Variants in ZNF587 observed in about 807,000 individuals in gnomAD.
ZNF587 encodes zinc finger protein 587, also known as zinc finger protein zfp6.
ZNF587 carries 8 observed loss-of-function variants against 7.5 expected under a neutral mutation model. The observed-to-expected ratio is 1.06, with a 90% CI of 0.62 to 1.92. The LOEUF is 1.92. ZNF587 is among the 40% of genes most tolerant of loss of function. The pLI, the probability that ZNF587 is intolerant of heterozygous loss-of-function variation, is 0.00. For synonymous variants in ZNF587, 145 were observed against 237.8 expected, an observed-to-expected ratio of 0.61 and a Z score of 3.59; for missense variants, 468 against 692.8, an observed-to-expected ratio of 0.68 and a Z score of 3.64.
In ZNF587 at chr19:57,850,864, C is replaced by G. The variant is rs979478602; in HGVS notation, c.33+793C>G. On this transcript the variant is annotated intron_variant, in intron 1 of 2. Transcript: ENST00000339656. ...GAGTCATTCCATAAGATGTAAAGCACTGGCCGTTTCTGTGAATTTCCTTGA... is the reference window on the plus strand; with the variant it reads ...GAGTCATTCCATAAGATGTAAAGCAGTGGCCGTTTCTGTGAATTTCCTTGA... The G allele has an allele frequency of 1.6e-4, 45 of 282,834 alleles. No individual in the cohort carries two copies. The Admixed American group carries it at 2.2e-3, about 14-fold the overall frequency. The allele number at this position is 282,834 out of a possible 1,614,324, so 17.5% of individuals were successfully genotyped here. A position where few individuals can be genotyped will look rare whatever the true frequency, so the allele number is the denominator to read the frequency against.
chr19:57,857,711 T>C (rs1264622265), intron 2 of ZNF587, among the ~76,000 whole-genome samples: 4 of 151,910 alleles, frequency 2.6e-5, no homozygotes, highest in Non-Finnish European at 5.9e-5. Flanking sequence ...CTCGGCTCAG[T>C]GTAACCTCTG....
At chr19:57,854,186 G>A (rs1226312000) in intron 1 of ZNF587, 1 of 152,162 alleles carries the variant, frequency 6.6e-6, no homozygotes, top group Non-Finnish European at 1.5e-5. Flanking sequence ...ATGTGGTTTG[G>A]TTCACAAATC....
At chr19:57,850,433 G>A in intron 1 of ZNF587, 1 of 534,248 alleles carries the variant, frequency 1.9e-6, no homozygotes, top group East Asian at 3.0e-5. Flanking sequence ...GATCAGTCTG[G>A]TTGGAGATGG....
intron 1 of ZNF587, chr19:57,850,276 A>C (rs1315769698): frequency 1.3e-6 from 1 of 787,188 alleles, no homozygotes; most frequent in Non-Finnish European, 2.1e-6. Context: ...AAGACTGGGG[A>C]ATTGCGATGG....
In ZNF587 at chr19:57,864,558, A is replaced by T. The variant is rs2071481687; in HGVS notation, c.*4418A>T. 1 of 152,070 alleles carries T rather than the reference A, an allele frequency of 6.6e-6. No homozygotes were observed. Among genetic ancestry groups the T allele is most frequent in the Non-Finnish European group, 1.5e-5 (1 of 68,008 alleles). 9.4% of individuals were successfully genotyped at this position (152,070 alleles called of 1,614,324 possible). ...CAGATGTTAACAGTCTCAGCCCCTA[A>T]ATGTCACCTTGTATTACAGCATGTT... is the stretch of plus-strand genomic sequence containing the variant. On this transcript the variant is annotated 3_prime_UTR_variant, in exon 3 of 3. Coordinates refer to ENST00000339656, the MANE Select transcript of ZNF587 (RefSeq NM_032828.4).
Position 57,862,851 on chromosome 19 carries a change from CTT to C in ZNF587, c.*2712_*2713del, listed in dbSNP as rs945257339. 7.7e-5 allele frequency: 12 copies of C among 155,066 alleles called. No homozygotes were observed. Among genetic ancestry groups the C allele is most frequent in the African/African-American group, 2.6e-4 (11 of 41,530 alleles). The allele number at this position is 155,066 out of a possible 1,614,324, so 9.6% of individuals were successfully genotyped here. A position where few individuals can be genotyped will look rare whatever the true frequency, so the allele number is the denominator to read the frequency against. ...CCTCTCACTCTGAATTATTCTTCCT[CTT>C]ATGGCTGACCAAAAACATGGAACCT... On this transcript the variant is annotated 3_prime_UTR_variant, in exon 3 of 3. Coordinates refer to ENST00000339656, the MANE Select transcript of ZNF587 (RefSeq NM_032828.4).
intron 1 of ZNF587, chr19:57,850,343 T>TTAC (rs2071266224): frequency 9.6e-6 from 6 of 624,490 alleles, no homozygotes; most frequent in Non-Finnish European, 5.6e-6. Context: ...AGTTTTATTA[T>TTAC]TCAAATCAGT....
intron 2 of ZNF587, 117 bp downstream of exon 2, chr19:57,856,350 C>T (rs1191930917): frequency 1.4e-6 from 2 of 1,478,340 alleles, no homozygotes; most frequent in South Asian, 1.5e-5. Context: ...TTCTGCACTT[C>T]TCTGTGTAAG....
In ZNF587 at chr19:57,856,146, C is replaced by T; in HGVS notation, c.76C>T (p.Gln26Ter). 1 of 1,612,746 alleles carries T rather than the reference C, an allele frequency of 6.2e-7. No homozygotes were observed. Among genetic ancestry groups the T allele is most frequent in the Non-Finnish European group, 8.5e-7 (1 of 1,179,544 alleles). Residue 26 changes from glutamine to a stop codon, truncating the protein, a stop_gained, in exon 2 of 3, where the codon CAG (glutamine) becomes TAG (stop). Coordinates refer to ENST00000339656, the MANE Select transcript of ZNF587 (RefSeq NM_032828.4). LOFTEE classifies it high-confidence loss of function. ...TFEDVAVNFS[Q>*]EEWCLLSEAQ... ...TGAAGATGTGGCTGTGAACTTTTCC[C>T]AGGAGGAGTGGTGTCTTCTTAGTGA... is the stretch of plus-strand genomic sequence containing the variant.
intron 2 of ZNF587, among the ~76,000 whole-genome samples, chr19:57,856,538 G>C (rs1414051135): frequency 2.0e-5 from 3 of 151,786 alleles, no homozygotes; most frequent in Admixed American, 1.3e-4. Context: ...CTCTCAAGTA[G>C]CTGGGACTAC....
chr19:57,860,099 C>T lies in ZNF587; in HGVS notation c.1687C>T (p.Leu563Phe), dbSNP rs776259406. 18 of 1,613,250 alleles carry T rather than the reference C, an allele frequency of 1.1e-5. No individual in the cohort carries two copies. In the Admixed American group the frequency reaches 1.7e-4, roughly 15 times the overall value. The change falls in exon 3 of 3, where the codon CTC becomes TTC. Residue 563 changes from leucine to phenylalanine, a missense_variant. By Grantham distance (22) the Leu-to-Phe change is conservative. Coordinates refer to ENST00000339656, the MANE Select transcript of ZNF587 (RefSeq NM_032828.4). ...AAAAACATTTCAGCGAAGCTCTACC[C>T]TCCTTCATCATCAGAGTTCACACAG... ...CGKTFQRSSTLLHHQSSHRRK... is the reference protein window; with the variant it reads ...CGKTFQRSSTFLHHQSSHRRK...
At chr19:57,855,919 T>C in intron 1 of ZNF587, 185 bp from the exon 2 acceptor site, 1 of 1,034,746 alleles carries the variant, frequency 9.7e-7, no homozygotes, top group Non-Finnish European at 1.4e-6. Flanking sequence ...TTTGTCCACC[T>C]ACTTCTTGTT....
At chr19:57,855,209 G>C (rs1468783951) in intron 1 of ZNF587, among the ~76,000 whole-genome samples, 1 of 151,736 alleles carries the variant, frequency 6.6e-6, no homozygotes, top group Admixed American at 6.6e-5. Context: ...GCCGAGTGTA[G>C]TGGTACATGG....
rs775567456 is a variant in ZNF587 at position 57,859,847 on chromosome 19, G to A, written c.1435G>A (p.Val479Met). The change falls in exon 3 of 3, where the codon GTG (valine) becomes ATG (methionine). Residue 479 changes from valine (V) to methionine (M), a missense_variant. This residue lies in a region of ZNF587 where 310 missense variants were observed against 325.6 expected (regional missense o/e 0.95). Coordinates refer to ENST00000339656, the MANE Select transcript of ZNF587 (RefSeq NM_032828.4). ...CGKLFGNKHSVTIHQRIHTGE... is the reference protein window; with the variant it reads ...CGKLFGNKHSMTIHQRIHTGE... ...GAAATTATTTGGCAATAAGCACAGC[G>A]TGACTATACATCAGAGGATTCACAC... 1.5e-5 allele frequency: 24 copies of A among 1,613,924 alleles called. No individual in the cohort carries two copies. Among genetic ancestry groups the A allele is most frequent in the Non-Finnish European group, 1.9e-5 (23 of 1,179,998 alleles).
At position 57,860,547 on chromosome 19, in the gene ZNF587, C is replaced by T; in HGVS notation, c.*407C>T. 7.9e-6 allele frequency: 2 copies of T among 253,068 alleles called. No individual in the cohort carries two copies. Among genetic ancestry groups the T allele is most frequent in the Non-Finnish European group, 1.5e-5 (2 of 129,564 alleles). The allele number at this position is 253,068 out of a possible 1,614,324, so 15.7% of individuals were successfully genotyped here. On this transcript the variant is annotated 3_prime_UTR_variant, in exon 3 of 3. Coordinates refer to ENST00000339656, the MANE Select transcript of ZNF587 (RefSeq NM_032828.4). ...ACTCCCAAAGTGCTGAAATTACAGG[C>T]ATGAGCCTCTGCACCTGGCCTTCAT...
chr19:57,862,289 T>C lies in ZNF587; in HGVS notation c.*2149T>C, dbSNP rs1003424715. 1.3e-4 allele frequency: 20 copies of C among 152,222 alleles called. No homozygotes were observed. Among genetic ancestry groups the C allele is most frequent in the Admixed American group, 5.9e-4 (9 of 15,264 alleles). 9.4% of individuals were successfully genotyped at this position (152,222 alleles called of 1,614,324 possible). A position where few individuals can be genotyped will look rare whatever the true frequency, so the allele number is the denominator to read the frequency against. On this transcript the variant is annotated 3_prime_UTR_variant, in exon 3 of 3. Coordinates refer to ENST00000339656, the MANE Select transcript of ZNF587 (RefSeq NM_032828.4). ...TCACAGTTCTCACATATGGAAAGGA[T>C]ACACACTTTGTAGAAACAAGAACTT... is the stretch of plus-strand genomic sequence containing the variant.
rs753548907 is a variant in ZNF587, at chr19:57,860,276, G to T, written c.*136G>T. The T allele has an allele frequency of 1.3e-6, 2 of 1,520,618 alleles. No individual in the cohort carries two copies. The highest frequency in any genetic ancestry group is 1.8e-6 in the Non-Finnish European group (2 of 1,114,828). The allele number at this position is 1,520,618 out of a possible 1,614,324, so 94.2% of individuals were successfully genotyped here. A position where few individuals can be genotyped will look rare whatever the true frequency, so the allele number is the denominator to read the frequency against. ...ATGTCTGCTGTCCTCGGTCTTAAGC[G>T]ACTTCGTGTTGAGATGGAGTCTTGT... On this transcript the variant is annotated 3_prime_UTR_variant, in exon 3 of 3. Coordinates refer to ENST00000339656, the MANE Select transcript of ZNF587 (RefSeq NM_032828.4).
At chr19:57,858,496 T>G in intron 2 of ZNF587, 80 bp from the exon 3 acceptor site, 1 of 1,527,246 alleles carries the variant, frequency 6.5e-7, no homozygotes, top group Non-Finnish European at 8.8e-7. Flanking sequence ...AATTCCTCAA[T>G]TTGTGAGACG....
intron 2 of ZNF587, among the ~76,000 whole-genome samples, chr19:57,856,610 G>T (rs776952143): frequency 1.3e-5 from 2 of 151,798 alleles, no homozygotes; most frequent in African/African-American, 2.4e-5. Context: ...AGGTTTCACC[G>T]TGTTAGCCAG....
Sources: allele counts gnomAD v4.1 joint callset (sites outside exome capture counted in the v4.1 genomes callset), GRCh38; gene constraint gnomAD v4.1.1; regional missense constraint gnomAD v4.1.1; transcripts MANE v1.5; gene names NCBI Gene and HGNC (gene_info 2026-07-23, HGNC 2026-07-21).